Variants in PRKD1 observed in about 807,000 individuals in gnomAD.
The protein encoded by PRKD1 is serine/threonine-protein kinase D1.
In PRKD1, 63 loss-of-function variants were observed where a neutral mutation model predicts 95.9. That is an observed-to-expected ratio of 0.66 (90% confidence interval 0.54 to 0.81). PRKD1 has a LOEUF of 0.81. Among genes scored for constraint, PRKD1 ranks in the 30% least tolerant of loss-of-function variants. The pLI is 0.00. For synonymous variants in PRKD1, 425 were observed against 423.1 expected (o/e 1.00, Z -0.05); for missense variants, 1,048 against 1,165.3 (o/e 0.90, Z 1.47).
intron 15 of PRKD1, among the ~76,000 whole-genome samples, chr14:29,598,660 ACTCT>A (rs1402618779): frequency 6.6e-6 from 1 of 152,086 alleles, no homozygotes; most frequent in Non-Finnish European, 1.5e-5. Flanking sequence ...CTGGTTTCCC[ACTCT>A]CTAAGTTGAG....
intron 1 of PRKD1, among the ~76,000 whole-genome samples, chr14:29,857,331 T>A (rs1158620399): frequency 6.6e-6 from 1 of 151,902 alleles, no homozygotes; most frequent in Non-Finnish European, 1.5e-5. Flanking sequence ...AAAATAAAAA[T>A]GCATGAGAGC....
At chr14:29,810,095 G>A (rs1890416448) in intron 1 of PRKD1, among the ~76,000 whole-genome samples, 1 of 152,100 alleles carries the variant, frequency 6.6e-6, no homozygotes, top group Non-Finnish European at 1.5e-5. Context: ...ACTTAAGTTC[G>A]CTGTCTTATA....
At chr14:29,623,391 C>T (rs567828890) in intron 13 of PRKD1, among the ~76,000 whole-genome samples, 50 of 151,494 alleles carry the variant, frequency 3.3e-4, no homozygotes, top group East Asian at 3.9e-4. Flanking sequence ...TTCCGTTTTG[C>T]GAAAAAAAAT....
At chr14:29,862,796 T>C (rs1422564893) in intron 1 of PRKD1, among the ~76,000 whole-genome samples, 1 of 152,198 alleles carries the variant, frequency 6.6e-6, no homozygotes, top group Non-Finnish European at 1.5e-5. Context: ...TTTGCAAATA[T>C]TTTCTCCTAT....
At chr14:29,691,637 A>C (rs1884242870) in intron 2 of PRKD1, among the ~76,000 whole-genome samples, 1 of 152,160 alleles carries the variant, frequency 6.6e-6, no homozygotes, top group Non-Finnish European at 1.5e-5. Context: ...AGGTTGGTGC[A>C]AAAGTAATCA....
intron 1 of PRKD1, among the ~76,000 whole-genome samples, chr14:29,764,304 A>T (rs981535471): frequency 3.3e-5 from 5 of 151,658 alleles, no homozygotes; most frequent in South Asian, 2.1e-4. Context: ...AGTACTATTT[A>T]AAAAAAAATA....
intron 11 of PRKD1, among the ~76,000 whole-genome samples, chr14:29,627,376 C>T (rs1001559809): frequency 6.6e-6 from 1 of 152,134 alleles, no homozygotes; most frequent in African/African-American, 2.4e-5. Context: ...GGAGAGGCTG[C>T]AGAAGGATGG....
intron 1 of PRKD1, among the ~76,000 whole-genome samples, chr14:29,830,882 G>A (rs187724266): frequency 3.9e-5 from 6 of 152,030 alleles, no homozygotes; most frequent in East Asian, 1.9e-4. Context: ...ACGGGGTTTC[G>A]CCATATTGCC....
intron 1 of PRKD1, among the ~76,000 whole-genome samples, chr14:29,763,126 A>T (rs1476398293): frequency 7.2e-4 from 40 of 55,274 alleles, no homozygotes; most frequent in South Asian, 1.3e-3. Context: ...CTCTAAAATT[A>T]AAAAAAAAAA....
chr14:29,769,461 G>T (rs138166997), intron 1 of PRKD1, among the ~76,000 whole-genome samples: 11 of 152,022 alleles, frequency 7.2e-5, no homozygotes, highest in Admixed American at 7.2e-4. Flanking sequence ...TCAGGGAGAC[G>T]GAGGCAGAAG....
At chr14:29,697,893 C>T (rs1884619593) in intron 2 of PRKD1, among the ~76,000 whole-genome samples, 1 of 152,032 alleles carries the variant, frequency 6.6e-6, no homozygotes, top group Non-Finnish European at 1.5e-5. Context: ...AGACAGAGCA[C>T]CTGAGAATAA....
intron 6 of PRKD1, among the ~76,000 whole-genome samples, chr14:29,638,118 T>C (rs1349566775): frequency 6.6e-6 from 1 of 152,118 alleles, no homozygotes; most frequent in African/African-American, 2.4e-5. Flanking sequence ...TTATTAAAGA[T>C]GATTGAAATG....
chr14:29,860,291 T>G (rs1892662095), intron 1 of PRKD1, among the ~76,000 whole-genome samples: 1 of 152,216 alleles, frequency 6.6e-6, no homozygotes, highest in Non-Finnish European at 1.5e-5. Flanking sequence ...AAAGTTCTAT[T>G]GCAGCAAGCA....
chr14:29,651,599 C>A (rs1165920957), intron 4 of PRKD1, among the ~76,000 whole-genome samples: 1 of 151,260 alleles, frequency 6.6e-6, no homozygotes, highest in East Asian at 1.9e-4. Context: ...CAATTCCAAT[C>A]TTCTACTCTC....
intron 16 of PRKD1, among the ~76,000 whole-genome samples, chr14:29,579,788 T>A (rs1892693081): frequency 6.6e-6 from 1 of 152,150 alleles, no homozygotes; most frequent in African/African-American, 2.4e-5. Context: ...ACAACACACA[T>A]TTAAATGTTG....
chr14:29,589,740 ATTTTT>A (rs1893061323), intron 16 of PRKD1, among the ~76,000 whole-genome samples: 1 of 151,440 alleles, frequency 6.6e-6, no homozygotes, highest in Admixed American at 6.6e-5. Flanking sequence ...ATGCCCTTTT[ATTTTT>A]ATTAGCTTTT....
chr14:29,583,961 AG>A (rs1892831217), intron 16 of PRKD1, among the ~76,000 whole-genome samples: 1 of 152,218 alleles, frequency 6.6e-6, no homozygotes, highest in Non-Finnish European at 1.5e-5. Context: ...AAAAAAAGTC[AG>A]GAAAGCAAAG....
intron 1 of PRKD1, among the ~76,000 whole-genome samples, chr14:29,906,430 T>C (rs1281570652): frequency 2.0e-5 from 3 of 151,820 alleles, no homozygotes; most frequent in Non-Finnish European, 4.4e-5. Context: ...TTCCAGCTAC[T>C]GGGATGCCCA....
intron 14 of PRKD1, 76 bp from the exon 15 acceptor site, chr14:29,599,201 A>G: frequency 8.1e-7 from 1 of 1,242,122 alleles, no homozygotes; most frequent in Non-Finnish European, 1.2e-6. Context: ...AAAGGCCAAG[A>G]AAAAAAACTG....
Sources: gnomAD v4.1 joint callset for allele counts (sites outside exome capture counted in the v4.1 genomes callset) on GRCh38, gnomAD v4.1.1 for gene constraint, MANE v1.5 for transcripts, NCBI Gene and HGNC (gene_info 2026-07-23, HGNC 2026-07-21) for gene names.